The following SLC5A4 variants were observed in gnomAD, a reference collection of about 807,000 sequenced individuals.
SLC5A4 encodes the protein solute carrier family 5 member 4, also known as probable glucose sensor protein SLC5A4.
In SLC5A4, 55 loss-of-function variants were observed where a neutral mutation model predicts 70.3. That is an observed-to-expected ratio of 0.78 (90% CI 0.63 to 0.98). The LOEUF (loss-of-function observed/expected upper bound fraction) is 0.98. Among genes scored for constraint, SLC5A4 ranks in the 50% least tolerant of loss-of-function variants. The pLI, the probability that SLC5A4 is intolerant of heterozygous loss-of-function variation, is 0.00. For missense variants in SLC5A4, 735 were observed against 839.2 expected, an observed-to-expected ratio of 0.88 and a Z score of 1.53; for synonymous variants, 268 against 305.7, an observed-to-expected ratio of 0.88 and a Z score of 1.29.
At chr22:32,329,949 GGTGT>G in the SLC5A4 span, among the ~76,000 whole-genome samples, 1 of 53,142 alleles carries the variant, frequency 1.9e-5, no homozygotes, top group African/African-American at 8.3e-5. Flanking sequence ...TGGGGGCTCT[GGTGT>G]GTGTGTGTTG....
At chr22:32,219,200 T>C (rs1285302966) in intron 14 of SLC5A4, among the ~76,000 whole-genome samples, 1 of 152,198 alleles carries the variant, frequency 6.6e-6, no homozygotes, top group Non-Finnish European at 1.5e-5. Flanking sequence ...GTTAGTGAGT[T>C]TGCGTGGAAA....
the SLC5A4 span, chr22:32,270,458 A>AG: frequency 9.6e-7 from 1 of 1,039,478 alleles, no homozygotes; most frequent in African/African-American, 1.6e-5. Flanking sequence ...GAGAATCCCA[A>AG]GGGGGAGGGC....
chr22:32,271,064 T>C, the SLC5A4 span: 4 of 582,776 alleles, frequency 6.9e-6, no homozygotes, highest in African/African-American at 1.8e-5. Context: ...GGGATCCCTC[T>C]TCAGTCCCAG....
rs200657070 is a variant in SLC5A4 at position 32,255,211 on chromosome 22, A to T, written c.119T>A (p.Met40Lys). ...TCCACCTACCCACAGCCCAACAGCCATCACCACCAGAAAATAGATGACAAT... is the reference window on the plus strand; with the variant it reads ...TCCACCTACCCACAGCCCAACAGCCTTCACCACCAGAAAATAGATGACAAT... ...SVIVIYFLVV[M>K]AVGLWAMLKT... is the part of the protein sequence containing the mutation. The change falls in exon 1 of 15, where the codon ATG (methionine) becomes AAG (lysine). Residue 40 changes from methionine (M) to lysine (K), a missense_variant. Met to Lys is a moderately conservative substitution (Grantham distance 95, BLOSUM62 -1). Coordinates refer to ENST00000266086, the MANE Select transcript of SLC5A4 (RefSeq NM_014227.3). 6.2e-6 allele frequency: 10 copies of T among 1,613,862 alleles called. No individual in the cohort carries two copies. In the East Asian group the frequency reaches 2.2e-4, roughly 36 times the overall value.
At chr22:32,282,993 T>C in the SLC5A4 span, among the ~76,000 whole-genome samples, 2 of 152,206 alleles carry the variant, frequency 1.3e-5, no homozygotes, top group East Asian at 3.9e-4. Context: ...TAAGCCAGAT[T>C]ATGCTGCTCC....
the SLC5A4 span, among the ~76,000 whole-genome samples, chr22:32,304,940 G>A: frequency 6.6e-6 from 1 of 151,804 alleles, no homozygotes; most frequent in Non-Finnish European, 1.5e-5. Flanking sequence ...ATTTTTCCAC[G>A]TGAATGTCCA....
chr22:32,271,116 G>C, the SLC5A4 span: 1 of 607,944 alleles, frequency 1.6e-6, no homozygotes, highest in Non-Finnish European at 3.0e-6. Context: ...CTGCCGACTG[G>C]GACTCTGTAC....
At chr22:32,226,903 G>T (rs374484235) in intron 11 of SLC5A4, among the ~76,000 whole-genome samples, 1 of 151,980 alleles carries the variant, frequency 6.6e-6, no homozygotes, top group Admixed American at 6.6e-5. Context: ...ATGTGACTGT[G>T]GGAGGAAAGC....
At chr22:32,345,022 T>C in the SLC5A4 span, among the ~76,000 whole-genome samples, 1 of 152,176 alleles carries the variant, frequency 6.6e-6, no homozygotes, top group Non-Finnish European at 1.5e-5. Context: ...AGGACTAAAA[T>C]TAATACAAAA....
At chr22:32,321,565 G>T in the SLC5A4 span, among the ~76,000 whole-genome samples, 1 of 152,188 alleles carries the variant, frequency 6.6e-6, no homozygotes. Context: ...TCATCACCCA[G>T]ACATGAAACC....
At chr22:32,292,336 G>A in the SLC5A4 span, among the ~76,000 whole-genome samples, 7 of 138,610 alleles carry the variant, frequency 5.1e-5, no homozygotes, top group Admixed American at 3.2e-4. Flanking sequence ...ATGGTATATG[G>A]AACTATAGGA....
chr22:32,304,981 A>AT, the SLC5A4 span, among the ~76,000 whole-genome samples: 4 of 151,868 alleles, frequency 2.6e-5, no homozygotes, highest in Admixed American at 6.6e-5. Flanking sequence ...TGAAAAGACT[A>AT]TTTTTTCCTC....
chr22:32,305,530 T>G, the SLC5A4 span, among the ~76,000 whole-genome samples: 1 of 148,874 alleles, frequency 6.7e-6, no homozygotes, highest in South Asian at 2.2e-4. Flanking sequence ...ATCCCCATCA[T>G]CAGATTTCAG....
the SLC5A4 span, among the ~76,000 whole-genome samples, chr22:32,294,872 G>T: frequency 4.5e-5 from 3 of 67,364 alleles, 1 homozygote; most frequent in African/African-American, 1.7e-4. Context: ...TGTCCATGTG[G>T]TCTCATTGTT....
the SLC5A4 span, among the ~76,000 whole-genome samples, chr22:32,292,072 G>GTC: frequency 7.7e-6 from 1 of 130,454 alleles, no homozygotes; most frequent in African/African-American, 3.0e-5. Context: ...CGGGGTTTTA[G>GTC]TATATATATA....
At chr22:32,337,009 A>AG in the SLC5A4 span, among the ~76,000 whole-genome samples, 1 of 152,354 alleles carries the variant, frequency 6.6e-6, no homozygotes, top group Non-Finnish European at 1.5e-5. Flanking sequence ...ACAGGGCTGG[A>AG]AGCTTTGCAA....
the SLC5A4 span, among the ~76,000 whole-genome samples, chr22:32,275,918 G>T: frequency 1.3e-5 from 2 of 152,176 alleles, no homozygotes; most frequent in Non-Finnish European, 2.9e-5. Flanking sequence ...TCTAACTGGT[G>T]TGAGATGGTA....
At chr22:32,265,399 A>G in the SLC5A4 span, among the ~76,000 whole-genome samples, 1 of 152,030 alleles carries the variant, frequency 6.6e-6, no homozygotes, top group South Asian at 2.1e-4. Flanking sequence ...AGAAAAAAAA[A>G]TTTGCTTCCT....
chr22:32,229,361 G>T lies in SLC5A4; in HGVS notation c.1130-17C>A. The T allele has an allele frequency of 6.2e-7, 1 of 1,612,486 alleles. No homozygotes were observed. The highest frequency in any genetic ancestry group is 8.5e-7 in the Non-Finnish European group (1 of 1,178,784). On this transcript the variant is annotated splice_polypyrimidine_tract_variant and intron_variant, in intron 10 of 14. Transcript: ENST00000266086. ...CTCGCAGTCCTGGAGCCGGGAAAGG[G>T]TACAAGCACTGGTTAGTGGCTGGAC...
Sources: gnomAD v4.1 joint callset for allele counts (sites outside exome capture counted in the v4.1 genomes callset) on GRCh38, gnomAD v4.1.1 for gene constraint, MANE v1.5 for transcripts, NCBI Gene and HGNC (gene_info 2026-07-23, HGNC 2026-07-21) for gene names.